The following PHF20 variants were observed in gnomAD, a reference collection of about 807,000 sequenced individuals.
PHF20 encodes glioma-expressed antigen 2.
A neutral mutation model predicts 113.5 loss-of-function variants in PHF20; 23 were observed. The observed-to-expected ratio is 0.20, with a 90% CI of 0.15 to 0.29. The LOEUF is 0.29. Ranked by LOEUF, PHF20 falls within the 10% of genes least tolerant of loss-of-function variation. PHF20 has a pLI of 1.00. For missense variants in PHF20, 943 were observed against 1,219.6 expected (o/e 0.77, Z 3.38); for synonymous variants, 434 against 457.3 (o/e 0.95, Z 0.65).
At chr20:35,824,691 C>T (rs975441738) in intron 2 of PHF20, among the ~76,000 whole-genome samples, 9 of 152,040 alleles carry the variant, frequency 5.9e-5, no homozygotes, top group Admixed American at 4.6e-4. Flanking sequence ...GTACAATTGT[C>T]ACCACTATCT....
rs549058233 is a variant in PHF20, at chr20:35,819,332, G to C, written c.83+17727G>C. Among the ~76,000 whole-genome samples the C allele has an allele frequency of 3.9e-5, 6 of 152,262 alleles. No homozygotes were observed. The South Asian group carries it at 1.2e-3, about 32-fold the overall frequency. ...TTGGTGGATAGAATAGAATCTGCTT[G>C]CTCTGCTGCCTTCGCCTTCTTCCTG... is the stretch of plus-strand genomic sequence containing the variant. On this transcript the variant is annotated intron_variant, in intron 2 of 17. Coordinates refer to ENST00000374012, the MANE Select transcript of PHF20 (RefSeq NM_016436.5).
At chr20:35,938,310 G>A (rs2055905583) in intron 15 of PHF20, among the ~76,000 whole-genome samples, 1 of 152,176 alleles carries the variant, frequency 6.6e-6, no homozygotes, top group Non-Finnish European at 1.5e-5. Flanking sequence ...CCAAGAGGAG[G>A]GGTCCATTCA....
In PHF20 at chr20:35,907,497, T is replaced by C. The variant is rs115753156; in HGVS notation, c.1562-5752T>C. Reference sequence around the variant, plus strand: ...TTGGTAAAGCTGTCCAGAGAGAGAGTTGACAGCAGACCAGCGACCAGCACT... The same window carrying C: ...TTGGTAAAGCTGTCCAGAGAGAGAGCTGACAGCAGACCAGCGACCAGCACT... On this transcript the variant is annotated intron_variant, in intron 10 of 17. Transcript: ENST00000374012. Among the ~76,000 whole-genome samples, 652 of 152,050 alleles carry C rather than the reference T, an allele frequency of 4.3e-3. 2 individuals carry two copies. The highest frequency in any genetic ancestry group is 0.015 in the African/African-American group (603 of 41,450).
At position 35,899,542 on chromosome 20, in the gene PHF20, A is replaced by G. The variant is rs2055055000; in HGVS notation, c.1455A>G (p.Pro485=). The part of the protein sequence containing the change: ...YFHGMEKSLE[P]EESPGKRHVQ... ...ATGGAATGGAGAAGTCACTGGAGCC[A>G]GAAGAGAGCCCGGGAAAGAGGCATG... The change falls in exon 10 of 18, where the codon CCA becomes CCG. Residue 485 remains proline, a synonymous_variant. Coordinates refer to ENST00000374012, the MANE Select transcript of PHF20 (RefSeq NM_016436.5). The G allele has an allele frequency of 6.2e-7, 1 of 1,614,232 alleles. No homozygotes were observed. Among genetic ancestry groups the G allele is most frequent in the South Asian group, 1.1e-5 (1 of 91,086 alleles).
intron 4 of PHF20, chr20:35,850,938 C>T: frequency 1.8e-6 from 1 of 547,294 alleles, no homozygotes; most frequent in South Asian, 1.8e-5. Flanking sequence ...GATAGAACTG[C>T]AGCAATGAAG....
intron 1 of PHF20, among the ~76,000 whole-genome samples, chr20:35,794,281 CAA>C (rs1161402405): frequency 1.5e-5 from 2 of 133,330 alleles, no homozygotes; most frequent in East Asian, 2.1e-4. Flanking sequence ...GCCTGGGCAA[CAA>C]GAGCAAAACT....
chr20:35,779,337 A>C (rs1414627331), intron 1 of PHF20, among the ~76,000 whole-genome samples: 1 of 151,804 alleles, frequency 6.6e-6, no homozygotes, highest in African/African-American at 2.4e-5. Flanking sequence ...GCCTGGCCTA[A>C]ACCAAGGTTT....
intron 1 of PHF20, among the ~76,000 whole-genome samples, chr20:35,791,475 ATCTATCTATCT>A (rs2041550312): frequency 7.5e-6 from 1 of 132,828 alleles, no homozygotes; most frequent in South Asian, 2.2e-4. Context: ...CTATCTATCT[ATCTATCTATCT>A]ATCTATCTAT....
At chr20:35,911,342 TGCTG>T (rs1236819601) in intron 10 of PHF20, among the ~76,000 whole-genome samples, 1 of 152,088 alleles carries the variant, frequency 6.6e-6, no homozygotes, top group Non-Finnish European at 1.5e-5. Flanking sequence ...GCGCCCGGCC[TGCTG>T]TTCCTACCTT....
At chr20:35,795,628 C>T (rs1456059032) in intron 1 of PHF20, among the ~76,000 whole-genome samples, 1 of 152,040 alleles carries the variant, frequency 6.6e-6, no homozygotes, top group Non-Finnish European at 1.5e-5. Context: ...GCCATTATCC[C>T]CATATCATAA....
At chr20:35,863,493 T>G in intron 6 of PHF20, 93 bp downstream of exon 6, 1 of 1,285,848 alleles carries the variant, frequency 7.8e-7, no homozygotes, top group Non-Finnish European at 1.1e-6. Context: ...CGTCAATCGT[T>G]TATTTTTGTG....
At chr20:35,791,455 A>G (rs1315220364) in intron 1 of PHF20, among the ~76,000 whole-genome samples, 4 of 104,712 alleles carry the variant, frequency 3.8e-5, no homozygotes, top group African/African-American at 1.3e-4. Context: ...CTATCTATCT[A>G]TCTATCTATC....
chr20:35,786,474 C>T (rs1030702118), intron 1 of PHF20, among the ~76,000 whole-genome samples: 4 of 152,082 alleles, frequency 2.6e-5, no homozygotes, highest in South Asian at 2.1e-4. Context: ...GAGGCCGAGG[C>T]GGGTGGATCA....
chr20:35,849,608 G>A (rs1208796915), intron 4 of PHF20: 5 of 432,394 alleles, frequency 1.2e-5, no homozygotes, highest in African/African-American at 4.1e-5. Flanking sequence ...GCTTCATCAC[G>A]ATTCACTGTG....
intron 9 of PHF20, among the ~76,000 whole-genome samples, chr20:35,893,314 T>C (rs865932806): frequency 1.4e-5 from 2 of 145,120 alleles, no homozygotes; most frequent in Non-Finnish European, 3.1e-5. Context: ...TGGCCATGAC[T>C]TTTTTTTTTT....
intron 4 of PHF20, among the ~76,000 whole-genome samples, chr20:35,857,562 C>CTTTTTTTTTTT (rs56655276): frequency 0.13 from 13,072 of 99,222 alleles, 27 homozygotes; most frequent in Non-Finnish European, 0.15. Context: ...AATGATGTTC[C>CTTTTTTTTTTT]TTTTTTTTTT....
At chr20:35,784,433 C>CT (rs35002007) in intron 1 of PHF20, among the ~76,000 whole-genome samples, 64,094 of 110,330 alleles carry the variant, frequency 0.58, 23,096 homozygotes, top group East Asian at 0.81. Context: ...ATCCCAAAGA[C>CT]TTTTTTTTTT....
intron 14 of PHF20, chr20:35,928,425 G>A (rs890496098): frequency 1.0e-4 from 11 of 105,042 alleles, no homozygotes; most frequent in Non-Finnish European, 1.7e-4. Flanking sequence ...GGCAACAAGA[G>A]CGAAACTTCG....
chr20:35,772,693 C>T (rs910686361), intron 1 of PHF20, among the ~76,000 whole-genome samples: 15 of 151,920 alleles, frequency 9.9e-5, no homozygotes, highest in African/African-American at 3.4e-4. Context: ...CTTCCGTCAG[C>T]CCCCAAAGTG....
Sources: allele counts gnomAD v4.1 joint callset (sites outside exome capture counted in the v4.1 genomes callset), GRCh38; gene constraint gnomAD v4.1.1; transcripts MANE v1.5; gene names NCBI Gene and HGNC (gene_info 2026-07-23, HGNC 2026-07-21).